The following VPS13D variants were observed in gnomAD, a reference collection of about 807,000 sequenced individuals.
VPS13D encodes intermembrane lipid transfer protein VPS13D.
VPS13D carries 187 observed loss-of-function variants against 461.9 expected under a neutral mutation model. That is an observed-to-expected ratio of 0.40 (90% confidence interval 0.36 to 0.46). The LOEUF (loss-of-function observed/expected upper bound fraction) is 0.46, where lower values mean the gene tolerates loss of function less well. Ranked by LOEUF, VPS13D falls within the 20% of genes least tolerant of loss-of-function variation. VPS13D has a pLI of 0.60. For synonymous variants in VPS13D, 1,951 were observed against 1,986.3 expected (o/e 0.98, Z 0.47); for missense variants, 4,711 against 5,364.9 (o/e 0.88, Z 3.81).
At chr1:12,406,979 A>G (rs1384653248) in intron 63 of VPS13D, among the ~76,000 whole-genome samples, 1 of 152,204 alleles carries the variant, frequency 6.6e-6, no homozygotes, top group African/African-American at 2.4e-5. Context: ...CAAAGACACT[A>G]TTTAAAAAGC....
intron 68 of VPS13D, 148 bp from the exon 69 acceptor site, chr1:12,506,705 G>A: frequency 1.8e-6 from 2 of 1,081,182 alleles, no homozygotes; most frequent in South Asian, 1.6e-5. Flanking sequence ...ACACCCACAA[G>A]ATAGAATTTC....
intron 38 of VPS13D, 125 bp downstream of exon 38, chr1:12,333,491 C>T (rs913669832): frequency 1.7e-6 from 2 of 1,201,950 alleles, no homozygotes; most frequent in Non-Finnish European, 2.3e-6. Context: ...TTCATCCTGA[C>T]TGCTTTCCTG....
rs1339787347 is a variant in VPS13D at position 12,416,919 on chromosome 1, GTTATA to G, written c.12333+95_12333+99del. 3 of 1,366,296 alleles carry G rather than the reference GTTATA, an allele frequency of 2.2e-6. No homozygotes were observed. In the African/African-American group the frequency reaches 4.5e-5, roughly 20 times the overall value. 84.6% of individuals were successfully genotyped at this position (1,366,296 alleles called of 1,614,324 possible). ...TTTTATAGTTAATGGGCTGTGAAAA[GTTATA>G]TTCATGGCTTTTGCTTCATTGCCCA... On this transcript the variant is annotated intron_variant, in intron 65 of 69. Transcript: ENST00000620676.
intron 67 of VPS13D, among the ~76,000 whole-genome samples, chr1:12,460,865 T>G (rs1645403203): frequency 6.6e-6 from 1 of 152,136 alleles, no homozygotes; most frequent in Admixed American, 6.5e-5. Context: ...TTGTTCACCA[T>G]GTGGGTCTGT....
chr1:12,291,138 T>C lies in VPS13D; in HGVS notation c.5852+14T>C, dbSNP rs1642121260. On this transcript the variant is annotated intron_variant, in intron 23 of 69. Transcript: ENST00000620676. ...CCAGACTTTTAAGTAAAAATGTCAA[T>C]CTTTTTCTGACTTGATATTTTATCA... The C allele has an allele frequency of 6.2e-7, 1 of 1,607,770 alleles. No individual in the cohort carries two copies. Among genetic ancestry groups the C allele is most frequent in the South Asian group, 1.1e-5 (1 of 89,376 alleles).
intron 67 of VPS13D, among the ~76,000 whole-genome samples, chr1:12,496,925 A>T (rs773760277): frequency 6.6e-6 from 1 of 151,940 alleles, no homozygotes; most frequent in Non-Finnish European, 1.5e-5. Context: ...CCCTCGCATG[A>T]TTACCACGTC....
At position 12,368,639 on chromosome 1, in the gene VPS13D, G is replaced by A. The variant is rs747934358; in HGVS notation, c.10572+48G>A. The A allele has an allele frequency of 6.3e-6, 10 of 1,589,990 alleles. No homozygotes were observed. The South Asian group carries it at 8.1e-5, about 13-fold the overall frequency. On this transcript the variant is annotated intron_variant, in intron 53 of 69. Coordinates refer to ENST00000620676, the MANE Select transcript of VPS13D (RefSeq NM_015378.4). Reference sequence around the variant, plus strand: ...AGTTTGACTGTTTCATGTGTGGGAGGGTGGAGTGTGTACTGCCCTTGACAC... The same window carrying A: ...AGTTTGACTGTTTCATGTGTGGGAGAGTGGAGTGTGTACTGCCCTTGACAC...
rs528017913 is a variant in VPS13D at position 12,277,696 on chromosome 1, T to C, written c.4108T>C (p.Leu1370=). The change falls in exon 19 of 70, where the codon TTG becomes CTG. Residue 1370 remains leucine (L), a synonymous_variant. Transcript: ENST00000620676. ...TGGGTTTGACCTAGCTTCGTCTCATTTGGACACTGTAAAGCTAATCTTGAA... is the reference window on the plus strand; with the variant it reads ...TGGGTTTGACCTAGCTTCGTCTCATCTGGACACTGTAAAGCTAATCTTGAA... ...IYGFDLASSH[L]DTVKLILNIN... 1.4e-5 allele frequency: 22 copies of C among 1,614,048 alleles called. No individual in the cohort carries two copies. The highest frequency in any genetic ancestry group is 1.9e-5 in the Non-Finnish European group (22 of 1,180,036).
chr1:12,413,891 CTGTT>C (rs977257645), intron 63 of VPS13D, among the ~76,000 whole-genome samples: 4 of 151,992 alleles, frequency 2.6e-5, no homozygotes, highest in East Asian at 1.9e-4. Context: ...CTTTGGAAAA[CTGTT>C]TGGCAGAATA....
chr1:12,269,241 T>C (rs895553931), intron 16 of VPS13D, among the ~76,000 whole-genome samples: 1 of 152,200 alleles, frequency 6.6e-6, no homozygotes, highest in African/African-American at 2.4e-5. Flanking sequence ...TCGGTACCTA[T>C]CTTAAAATAT....
At chr1:12,314,047 C>CTT in intron 29 of VPS13D, 68 bp from the exon 30 acceptor site, 1 of 1,434,956 alleles carries the variant, frequency 7.0e-7, no homozygotes, top group Non-Finnish European at 9.6e-7. Flanking sequence ...TTATCTCGAA[C>CTT]TTATATACTT....
At chr1:12,466,722 T>A (rs747915082) in intron 67 of VPS13D, among the ~76,000 whole-genome samples, 73 of 152,204 alleles carry the variant, frequency 4.8e-4, no homozygotes, top group Non-Finnish European at 9.8e-4. Context: ...ACCCTAAGGC[T>A]CTAGTTCTAA....
At chr1:12,506,745 G>T (rs1646113559) in intron 68 of VPS13D, 108 bp from the exon 69 acceptor site, 1 of 1,405,678 alleles carries the variant, frequency 7.1e-7, no homozygotes, top group Non-Finnish European at 9.6e-7. Flanking sequence ...CGGCAAGGGG[G>T]CCGGGATTCG....
In VPS13D at chr1:12,247,896, T is replaced by C. The variant is rs202039792; in HGVS notation, c.448-1327T>C. On this transcript the variant is annotated intron_variant, in intron 5 of 69. Coordinates refer to ENST00000620676, the MANE Select transcript of VPS13D (RefSeq NM_015378.4). ...GTTTTGTATTTTTGTATTTTTTTTT[T>C]TTTTTTGAGACAGTGTTGCTCTGTT... 7.9e-5 allele frequency among the ~76,000 whole-genome samples: 12 copies of C among 151,390 alleles called. No homozygotes were observed. The East Asian group carries it at 1.4e-3, about 17-fold the overall frequency.
chr1:12,455,278 T>C (rs1327361980), intron 65 of VPS13D, among the ~76,000 whole-genome samples: 1 of 152,214 alleles, frequency 6.6e-6, no homozygotes, highest in East Asian at 1.9e-4. Context: ...GGGAGTTTGA[T>C]GTCTCCAAAT....
At chr1:12,363,813 CGTG>C (rs1643987893) in intron 52 of VPS13D, among the ~76,000 whole-genome samples, 1 of 151,564 alleles carries the variant, frequency 6.6e-6, no homozygotes, top group Admixed American at 6.6e-5. Flanking sequence ...ATTAGCTGGG[CGTG>C]GTGGTGTGTG....
chr1:12,336,460 G>C (rs1643453372), intron 39 of VPS13D: 2 of 152,134 alleles, frequency 1.3e-5, no homozygotes, highest in Admixed American at 1.3e-4. Context: ...ACAACTGCAT[G>C]GTCTTAGTTG....
intron 5 of VPS13D, among the ~76,000 whole-genome samples, chr1:12,248,206 C>T (rs951907745): frequency 6.6e-6 from 1 of 151,948 alleles, no homozygotes; most frequent in Admixed American, 6.5e-5. Flanking sequence ...GCCTATTTTA[C>T]AAATCAGTTT....
intron 2 of VPS13D, among the ~76,000 whole-genome samples, chr1:12,235,087 C>A (rs935601454): frequency 6.6e-6 from 1 of 152,092 alleles, no homozygotes; most frequent in Admixed American, 6.6e-5. Context: ...TTTTAACATA[C>A]GTAGGGAAGA....
Sources: gnomAD v4.1 joint callset for allele counts (sites outside exome capture counted in the v4.1 genomes callset) on GRCh38, gnomAD v4.1.1 for gene constraint, MANE v1.5 for transcripts, NCBI Gene and HGNC (gene_info 2026-07-23, HGNC 2026-07-21) for gene names.